MLXIPL: variants seen among roughly 807,000 people sequenced by gnomAD.
MLXIPL encodes the protein MLX interacting protein like, also known as carbohydrate-responsive element-binding protein.
A neutral mutation model predicts 81.5 loss-of-function variants in MLXIPL; 49 were observed. That is an observed-to-expected ratio of 0.60 (90% confidence interval 0.48 to 0.76). MLXIPL has a LOEUF of 0.76. Ranked by LOEUF, MLXIPL falls within the 30% of genes least tolerant of loss-of-function variation. MLXIPL has a pLI of 0.00. For synonymous variants in MLXIPL, 466 were observed against 485.5 expected (o/e 0.96, Z 0.53); for missense variants, 1,053 against 1,167.0 (o/e 0.90, Z 1.42).
chr7:73,629,931 G>A, the MLXIPL span, among the ~76,000 whole-genome samples: 13 of 152,078 alleles, frequency 8.5e-5, no homozygotes, highest in South Asian at 4.2e-4. Context: ...TAGCAGGTCC[G>A]CAGGATCTTC....
the MLXIPL span, among the ~76,000 whole-genome samples, chr7:73,632,643 G>C: frequency 6.6e-6 from 1 of 152,014 alleles, no homozygotes; most frequent in African/African-American, 2.4e-5. Flanking sequence ...TCTGGGGCTT[G>C]TCACAGACTG....
rs375354581 is a variant in MLXIPL at position 73,606,971 on chromosome 7, C to T, written c.618+3G>A. On this transcript the variant is annotated splice_donor_region_variant and intron_variant, in intron 5 of 16. Coordinates refer to ENST00000313375, the MANE Select transcript of MLXIPL (RefSeq NM_032951.3). Reference sequence around the variant, plus strand: ...TTGCCTGCTGGACTTACAGAGCACCCACCTGCTTAGGGGCCAGGAGGTCAT... The same window carrying T: ...TTGCCTGCTGGACTTACAGAGCACCTACCTGCTTAGGGGCCAGGAGGTCAT... The T allele has an allele frequency of 9.3e-6, 15 of 1,613,576 alleles. No individual in the cohort carries two copies. In the African/African-American group the frequency reaches 2.0e-4, roughly 22 times the overall value.
intron 2 of MLXIPL, chr7:73,609,649 C>T (rs541884254): frequency 1.1e-4 from 16 of 151,328 alleles, no homozygotes; most frequent in African/African-American, 3.9e-4. Flanking sequence ...GAGACAAGGA[C>T]TCAATCTGTT....
Position 73,624,202 on chromosome 7 carries a change from G to A in MLXIPL, c.291C>T (p.Tyr97=). 6.3e-7 allele frequency: 1 copy of A among 1,577,638 alleles called. No individual in the cohort carries two copies. The highest frequency in any genetic ancestry group is 8.6e-7 in the Non-Finnish European group (1 of 1,163,798). Residue 97 remains tyrosine (Y), a splice_region_variant and synonymous_variant, in exon 1 of 17, where the codon TAC becomes TAT. Coordinates refer to ENST00000313375, the MANE Select transcript of MLXIPL (RefSeq NM_032951.3). ...TCAGGGCCCGGAACCGCCCTCACCT[G>A]TAGGCCAGGCTCAAGCACTCGAAGA... ...TRLFECLSLA[Y]SGKLVSPKWK...
chr7:73,602,193 C>T (rs1297546451), intron 7 of MLXIPL, among the ~76,000 whole-genome samples: 5 of 97,912 alleles, frequency 5.1e-5, no homozygotes, highest in Non-Finnish European at 8.1e-5. Context: ...TTTCTTTCAT[C>T]TCTCTCTCTC....
intron 7 of MLXIPL, among the ~76,000 whole-genome samples, chr7:73,602,126 G>GCCTGCCTT (rs1794897162): frequency 1.4e-4 from 11 of 76,184 alleles, no homozygotes; most frequent in African/African-American, 5.1e-4. Flanking sequence ...CTGCCTGCCT[G>GCCTGCCTT]CCTGCCTTCC....
intron 7 of MLXIPL, among the ~76,000 whole-genome samples, chr7:73,601,070 C>G (rs531905625): frequency 6.6e-6 from 1 of 151,982 alleles, no homozygotes; most frequent in Admixed American, 6.6e-5. Context: ...CCTCCCACCC[C>G]CCTGCCAGGA....
intron 1 of MLXIPL, among the ~76,000 whole-genome samples, 180 bp downstream of exon 1, chr7:73,624,007 AGCGGGCTGGGCCG>A (rs1345390831): frequency 6.6e-6 from 1 of 151,564 alleles, no homozygotes; most frequent in East Asian, 2.0e-4. Context: ...GTCAGGGGCC[AGCGGGCTGGGCCG>A]CTGTAGGAGG....
intron 1 of MLXIPL, among the ~76,000 whole-genome samples, chr7:73,620,977 G>C (rs1333710360): frequency 4.7e-5 from 7 of 149,804 alleles, no homozygotes; most frequent in Non-Finnish European, 7.4e-5. Flanking sequence ...TTGAACTCAG[G>C]AGACGGAGAT....
the MLXIPL span, among the ~76,000 whole-genome samples, chr7:73,635,379 A>C: frequency 1.3e-5 from 2 of 152,118 alleles, no homozygotes; most frequent in African/African-American, 4.8e-5. Context: ...CCATCCATTC[A>C]TCTGTCCATC....
chr7:73,613,546 C>T (rs1212957581), intron 2 of MLXIPL, among the ~76,000 whole-genome samples: 3 of 152,040 alleles, frequency 2.0e-5, no homozygotes, highest in South Asian at 2.1e-4. Flanking sequence ...TGCAGTGAGC[C>T]GAGATCGTGC....
the MLXIPL span, among the ~76,000 whole-genome samples, chr7:73,643,671 A>G: frequency 6.6e-6 from 1 of 152,168 alleles, no homozygotes; most frequent in Non-Finnish European, 1.5e-5. Flanking sequence ...CCCGTCCCTT[A>G]GGCCTCCTTG....
At position 73,607,680 on chromosome 7, in the gene MLXIPL, AAGGGGGCCAGGTC is replaced by A; in HGVS notation, c.401-21_401-9del. 1.2e-6 allele frequency: 2 copies of A among 1,612,810 alleles called. No homozygotes were observed. Among genetic ancestry groups the A allele is most frequent in the Non-Finnish European group, 1.7e-6 (2 of 1,179,772 alleles). On this transcript the variant is annotated splice_polypyrimidine_tract_variant and intron_variant, in intron 2 of 16. Coordinates refer to ENST00000313375, the MANE Select transcript of MLXIPL (RefSeq NM_032951.3). The stretch of plus-strand genomic sequence containing the variant: ...TCTTCCTCCGCTTCACATCTGAGAG[AAGGGGGCCAGGTC>A]AGGGGCACCCAGCTTCCTCATCCCC...
At chr7:73,634,215 A>G in the MLXIPL span, among the ~76,000 whole-genome samples, 1 of 152,160 alleles carries the variant, frequency 6.6e-6, no homozygotes, top group African/African-American at 2.4e-5. Context: ...TCATATCAGA[A>G]GTACCCCAAT....
At chr7:73,638,674 G>A in the MLXIPL span, among the ~76,000 whole-genome samples, 2 of 152,042 alleles carry the variant, frequency 1.3e-5, no homozygotes, top group African/African-American at 4.8e-5. Flanking sequence ...CCAGGTTGGA[G>A]TGCAGTGGTG....
chr7:73,647,262 C>A, the MLXIPL span, among the ~76,000 whole-genome samples: 3 of 152,218 alleles, frequency 2.0e-5, no homozygotes, highest in Non-Finnish European at 1.5e-5. Context: ...AATCCACATA[C>A]CCCACCCTGC....
chr7:73,600,947 C>T (rs1487555468), intron 7 of MLXIPL, among the ~76,000 whole-genome samples: 2 of 151,962 alleles, frequency 1.3e-5, no homozygotes, highest in Non-Finnish European at 2.9e-5. Flanking sequence ...TTTCTCTGAC[C>T]CTGACCAGCC....
rs782704511 is a variant in MLXIPL, at chr7:73,606,020, G to A, written c.710C>T (p.Pro237Leu). 2.0e-5 allele frequency: 31 copies of A among 1,588,016 alleles called. No individual in the cohort carries two copies. Among genetic ancestry groups the A allele is most frequent in the Non-Finnish European group, 2.3e-5 (27 of 1,167,136 alleles). ...PVLLGDPEEE[P>L]GGRQLLDLNC... ...GAGGTCCAGGAGCTGCCGCCCACCC[G>A]GCTCCTCCTCTGGGTCCCCCAGCAG... Residue 237 changes from proline (P) to leucine (L), a missense_variant, in exon 6 of 17, where the codon CCG becomes CTG. Around this residue, in one of 3 missense-constraint regions of MLXIPL, gnomAD observed 823 missense variants for 933.0 expected, o/e 0.88. Transcript: ENST00000313375.
chr7:73,646,516 G>C, the MLXIPL span, among the ~76,000 whole-genome samples: 1 of 152,090 alleles, frequency 6.6e-6, no homozygotes. Context: ...CCCAACCCCA[G>C]CCTGAGCCCC....
Sources: allele counts gnomAD v4.1 joint callset (sites outside exome capture counted in the v4.1 genomes callset), GRCh38; gene constraint gnomAD v4.1.1; regional missense constraint gnomAD v4.1.1; transcripts MANE v1.5; gene names NCBI Gene and HGNC (gene_info 2026-07-23, HGNC 2026-07-21).